OR5V1: variants seen among roughly 807,000 people sequenced by gnomAD.
The protein encoded by OR5V1 is olfactory receptor 5V1.
For synonymous variants in OR5V1, 134 were observed against 143.2 expected, an observed-to-expected ratio of 0.94 and a Z score of 0.46; for missense variants, 365 against 371.5, an observed-to-expected ratio of 0.98 and a Z score of 0.14.
At chr6:29,364,226 A>G (rs1778730551) in intron 1 of OR5V1, among the ~76,000 whole-genome samples, 1 of 152,138 alleles carries the variant, frequency 6.6e-6, no homozygotes, top group Non-Finnish European at 1.5e-5. Flanking sequence ...ACCTAGGAAT[A>G]CAACTTACAA....
At position 29,354,498 on chromosome 6, in the gene OR5V1, G is replaced by A. The variant is rs1035030121; in HGVS notation, c.*732C>T. 1 of 151,650 alleles carries A rather than the reference G, an allele frequency of 6.6e-6. No homozygotes were observed. The allele number at this position is 151,650 out of a possible 1,614,324, so 9.4% of individuals were successfully genotyped here. On this transcript the variant is annotated 3_prime_UTR_variant, in exon 2 of 2. Coordinates refer to ENST00000641768, the MANE Select transcript of OR5V1 (RefSeq NM_030876.6). ...TTTTCTGTATGTTTTATCTGATTCT[G>A]TTTTCTAAATTTTTAGCGAAAAAAG...
chr6:29,354,991 A>C lies in OR5V1; in HGVS notation c.*239T>G, dbSNP rs977806591. On this transcript the variant is annotated 3_prime_UTR_variant, in exon 2 of 2. Transcript: ENST00000641768. Reference sequence around the variant, plus strand: ...CAAATATCTCATGAAAGAGGGAAACAGTCTTTGAATGCAAAATTCAGGAAT... The same window carrying C: ...CAAATATCTCATGAAAGAGGGAAACCGTCTTTGAATGCAAAATTCAGGAAT... 1 of 387,318 alleles carries C rather than the reference A, an allele frequency of 2.6e-6. No individual in the cohort carries two copies. Among genetic ancestry groups the C allele is most frequent in the African/African-American group, 2.1e-5 (1 of 48,192 alleles). The allele number at this position is 387,318 out of a possible 1,614,324, so 24.0% of individuals were successfully genotyped here. A position where few individuals can be genotyped will look rare whatever the true frequency, so the allele number is the denominator to read the frequency against.
Position 29,355,988 on chromosome 6 carries a change from CAA to C in OR5V1, c.206_207del (p.Ile69ArgfsTer52), listed in dbSNP as rs778385580. ...MYYFLGNLAFIDICYTTSNVP... is the reference protein window; with the variant it reads ...MYYFLGNLAFXDICYTTSNVP... Reference sequence around the variant, plus strand: ...ACATTGCTGGTGGTGTAGCAGATGTCAATAAAGGCCAAGTTCCCTAGAAAATA... The same window carrying C: ...ACATTGCTGGTGGTGTAGCAGATGTCTAAAGGCCAAGTTCCCTAGAAAATA... On this transcript the variant is annotated frameshift_variant, in exon 2 of 2. Coordinates refer to ENST00000641768, the MANE Select transcript of OR5V1 (RefSeq NM_030876.6). LOFTEE classifies it low-confidence loss of function (END_TRUNC). The C allele has an allele frequency of 3.7e-6, 6 of 1,613,790 alleles. No homozygotes were observed. In the Admixed American group the frequency reaches 8.3e-5, roughly 22 times the overall value.
In OR5V1 at chr6:29,356,564, C is replaced by T. The variant is rs146492882; in HGVS notation, c.-82-287G>A. Among the ~76,000 whole-genome samples the T allele has an allele frequency of 3.3e-3, 496 of 152,236 alleles. 10 individuals carry two copies. The highest frequency in any genetic ancestry group is 0.01 in the African/African-American group (428 of 41,554). On this transcript the variant is annotated intron_variant, in intron 1 of 1. Transcript: ENST00000641768. ...ATGTGTGAACTTGTGCTGTAGAATG[C>T]GATTTCTAGAAGAATCTCTGGTATT...
chr6:29,367,734 G>A (rs190839675), intron 1 of OR5V1, among the ~76,000 whole-genome samples: 1 of 152,194 alleles, frequency 6.6e-6, no homozygotes, highest in Admixed American at 6.5e-5. Flanking sequence ...CTCAAATTGT[G>A]CTACATGGGT....
intron 1 of OR5V1, among the ~76,000 whole-genome samples, chr6:29,357,177 G>A (rs774391823): frequency 4.1e-4 from 63 of 152,114 alleles, no homozygotes; most frequent in Non-Finnish European, 6.9e-4. Flanking sequence ...ATTAGTGTCT[G>A]TTTCAACAAA....
At position 29,354,133 on chromosome 6, in the gene OR5V1, A is replaced by C. The variant is rs1778138687; in HGVS notation, c.*1097T>G. 1.3e-5 allele frequency: 2 copies of C among 152,128 alleles called. No homozygotes were observed. The highest frequency in any genetic ancestry group is 6.5e-5 in the Admixed American group (1 of 15,274). The allele number at this position is 152,128 out of a possible 1,614,324, so 9.4% of individuals were successfully genotyped here. A position where few individuals can be genotyped will look rare whatever the true frequency, so the allele number is the denominator to read the frequency against. On this transcript the variant is annotated 3_prime_UTR_variant, in exon 2 of 2. Coordinates refer to ENST00000641768, the MANE Select transcript of OR5V1 (RefSeq NM_030876.6). ...TCCTGAGAGAATAGTGAAGAAAGACACTAGACAACTTGTATCTACCTGATC... is the reference window on the plus strand; with the variant it reads ...TCCTGAGAGAATAGTGAAGAAAGACCCTAGACAACTTGTATCTACCTGATC...
intron 1 of OR5V1, among the ~76,000 whole-genome samples, chr6:29,366,073 A>G (rs1778840137): frequency 6.6e-6 from 1 of 152,160 alleles, no homozygotes; most frequent in Admixed American, 6.5e-5. Flanking sequence ...CAGACACTAC[A>G]TGTTCTCACT....
intron 1 of OR5V1, among the ~76,000 whole-genome samples, chr6:29,366,689 A>G (rs1778871796): frequency 6.6e-6 from 1 of 152,162 alleles, no homozygotes; most frequent in African/African-American, 2.4e-5. Context: ...GAGTGCTGTT[A>G]TTAAAAGAAC....
intron 1 of OR5V1, among the ~76,000 whole-genome samples, chr6:29,361,495 T>G (rs1183649069): frequency 6.6e-6 from 1 of 150,502 alleles, no homozygotes; most frequent in African/African-American, 2.4e-5. Context: ...TTATCCAAGG[T>G]CGAAATGAAA....
At chr6:29,357,694 T>G (rs1778381148) in intron 1 of OR5V1, among the ~76,000 whole-genome samples, 1 of 152,188 alleles carries the variant, frequency 6.6e-6, no homozygotes, top group Non-Finnish European at 1.5e-5. Context: ...GGACCAGCTA[T>G]AGATTAATTT....
chr6:29,356,631 CT>C (rs1328693625), intron 1 of OR5V1, among the ~76,000 whole-genome samples: 1 of 152,082 alleles, frequency 6.6e-6, no homozygotes, highest in Non-Finnish European at 1.5e-5. Context: ...CTTTTTCATA[CT>C]TCAACGTTAA....
At chr6:29,362,594 A>T (rs1265596333) in intron 1 of OR5V1, among the ~76,000 whole-genome samples, 1 of 152,202 alleles carries the variant, frequency 6.6e-6, no homozygotes. Flanking sequence ...AGTCTCTCAG[A>T]CCACAGTGCA....
At chr6:29,358,964 A>G (rs774413015) in intron 1 of OR5V1, among the ~76,000 whole-genome samples, 3 of 152,202 alleles carry the variant, frequency 2.0e-5, no homozygotes, top group Non-Finnish European at 2.9e-5. Flanking sequence ...CAAAGTAATG[A>G]TAAGTATGTG....
At chr6:29,366,310 TAA>T (rs759132194) in intron 1 of OR5V1, among the ~76,000 whole-genome samples, 1 of 121,522 alleles carries the variant, frequency 8.2e-6, no homozygotes, top group East Asian at 2.5e-4. Context: ...TCCCTGAACT[TAA>T]AGTAAAGTAT....
chr6:29,366,325 T>TAAAA lies in OR5V1; in HGVS notation c.-83+2303_-83+2306dup, dbSNP rs34270802. Among the ~76,000 whole-genome samples, 21 of 125,670 alleles carry TAAAA rather than the reference T, an allele frequency of 1.7e-4. No individual in the cohort carries two copies. In the Middle Eastern group the frequency reaches 0.014, roughly 82 times the overall value. The allele number at this position is 125,670 out of a possible 152,430, so 82.4% of individuals were successfully genotyped here. A position where few individuals can be genotyped will look rare whatever the true frequency, so the allele number is the denominator to read the frequency against. ...TCCCTGAACTTAAAGTAAAGTATAT[T>TAAAA]AAAAAAAAAAAAAAAAAAAGGAAAT... On this transcript the variant is annotated intron_variant, in intron 1 of 1. Transcript: ENST00000641768.
chr6:29,367,494 A>T lies in OR5V1; in HGVS notation c.-83+1138T>A, dbSNP rs564186253. On this transcript the variant is annotated intron_variant, in intron 1 of 1. Coordinates refer to ENST00000641768, the MANE Select transcript of OR5V1 (RefSeq NM_030876.6). ...CAGTATAGCAAAATTTTCCAAGAAAACAATTGTATTTCCTCCCTTTTTTAC... is the reference window on the plus strand; with the variant it reads ...CAGTATAGCAAAATTTTCCAAGAAATCAATTGTATTTCCTCCCTTTTTTAC... 2.0e-5 allele frequency among the ~76,000 whole-genome samples: 3 copies of T among 152,326 alleles called. No individual in the cohort carries two copies. The East Asian group carries it at 5.8e-4, about 29-fold the overall frequency.
At position 29,354,985 on chromosome 6, in the gene OR5V1, G is replaced by A; in HGVS notation, c.*245C>T. ...ATTAAACAAATATCTCATGAAAGAG[G>A]GAAACAGTCTTTGAATGCAAAATTC... is the stretch of plus-strand genomic sequence containing the variant. On this transcript the variant is annotated 3_prime_UTR_variant, in exon 2 of 2. Transcript: ENST00000641768. The A allele has an allele frequency of 2.6e-6, 1 of 380,108 alleles. No homozygotes were observed. Among genetic ancestry groups the A allele is most frequent in the Non-Finnish European group, 4.6e-6 (1 of 215,924 alleles). The allele number at this position is 380,108 out of a possible 1,614,324, so 23.5% of individuals were successfully genotyped here. A position where few individuals can be genotyped will look rare whatever the true frequency, so the allele number is the denominator to read the frequency against.
chr6:29,357,051 G>C (rs1002590120), intron 1 of OR5V1, among the ~76,000 whole-genome samples: 12 of 151,962 alleles, frequency 7.9e-5, no homozygotes, highest in African/African-American at 2.9e-4. Context: ...CTGAATTTGG[G>C]GTTAGGTTAT....
Sources: allele counts gnomAD v4.1 joint callset (sites outside exome capture counted in the v4.1 genomes callset), GRCh38; gene constraint gnomAD v4.1.1; transcripts MANE v1.5; gene names NCBI Gene and HGNC (gene_info 2026-07-23, HGNC 2026-07-21).